KIAA1217: variants seen among roughly 807,000 people sequenced by gnomAD.
KIAA1217 encodes KIAA1217, also known as sickle tail protein homolog.
In KIAA1217, 88 loss-of-function variants were observed where a neutral mutation model predicts 163.9. The observed-to-expected ratio is 0.54, with a 90% confidence interval of 0.45 to 0.64. The LOEUF is 0.64. Among genes scored for constraint, KIAA1217 ranks in the 30% least tolerant of loss-of-function variants. The pLI is 0.00. For synonymous variants in KIAA1217, 903 were observed against 923.1 expected, an observed-to-expected ratio of 0.98 and a Z score of 0.39; for missense variants, 2,372 against 2,475.0, an observed-to-expected ratio of 0.96 and a Z score of 0.88.
At chr10:23,780,271 G>T (rs1835197131) in intron 1 of KIAA1217, among the ~76,000 whole-genome samples, 1 of 152,072 alleles carries the variant, frequency 6.6e-6, no homozygotes, top group Non-Finnish European at 1.5e-5. Context: ...TTTTTTGTGT[G>T]TGTTAAGGCA....
intron 2 of KIAA1217, among the ~76,000 whole-genome samples, chr10:24,368,249 C>CA (rs1332773667): frequency 1.6e-4 from 25 of 152,078 alleles, no homozygotes; most frequent in African/African-American, 6.0e-4. Flanking sequence ...AGTTAAAATG[C>CA]AGAAAGGGAA....
chr10:24,126,899 A>G (rs2063490583), intron 2 of KIAA1217, among the ~76,000 whole-genome samples: 1 of 152,074 alleles, frequency 6.6e-6, no homozygotes, highest in Non-Finnish European at 1.5e-5. Flanking sequence ...GCAGATCAAT[A>G]TCAGTTTGTA....
intron 9 of KIAA1217, 150 bp from the exon 10 acceptor site, chr10:24,513,109 A>G: frequency 1.4e-6 from 1 of 722,838 alleles, no homozygotes; most frequent in Non-Finnish European, 2.3e-6. Context: ...CATTATGTAC[A>G]GTCTTTGCTC....
chr10:24,195,884 T>C (rs1465440795), intron 2 of KIAA1217, among the ~76,000 whole-genome samples: 1 of 152,188 alleles, frequency 6.6e-6, no homozygotes, highest in African/African-American at 2.4e-5. Context: ...ATCCCAGCAC[T>C]GTGGGAGGCT....
At chr10:24,314,661 G>T (rs2043125504) in intron 2 of KIAA1217, among the ~76,000 whole-genome samples, 2 of 152,132 alleles carry the variant, frequency 1.3e-5, no homozygotes, top group African/African-American at 2.4e-5. Context: ...ATACATATTG[G>T]CCGGGTGCAG....
chr10:23,696,379 G>T (rs1440479724), intron 1 of KIAA1217, among the ~76,000 whole-genome samples: 1 of 152,210 alleles, frequency 6.6e-6, no homozygotes, highest in Non-Finnish European at 1.5e-5. Context: ...TCCGAGAGTA[G>T]GAGTTTCTGT....
chr10:23,851,480 C>T (rs1218370419), intron 1 of KIAA1217, among the ~76,000 whole-genome samples: 9 of 152,154 alleles, frequency 5.9e-5, no homozygotes, highest in Non-Finnish European at 1.0e-4. Context: ...CATATGTGTG[C>T]ATGTGTCTTT....
intron 2 of KIAA1217, among the ~76,000 whole-genome samples, chr10:24,276,625 T>C (rs796182596): frequency 1.5e-4 from 23 of 148,594 alleles, no homozygotes; most frequent in African/African-American, 4.9e-4. Flanking sequence ...TTTTTTTTTT[T>C]CTGAGATGGA....
intron 1 of KIAA1217, among the ~76,000 whole-genome samples, chr10:23,776,679 C>T (rs1421174474): frequency 3.2e-4 from 38 of 117,882 alleles, no homozygotes; most frequent in Admixed American, 2.8e-3. Context: ...ACTGTGGGTA[C>T]TTTTTTTTTT....
At chr10:24,198,322 A>G (rs977519352) in intron 2 of KIAA1217, among the ~76,000 whole-genome samples, 5 of 152,166 alleles carry the variant, frequency 3.3e-5, no homozygotes, top group Admixed American at 2.0e-4. Flanking sequence ...AATGTTTGGG[A>G]TACTGGGTGG....
chr10:24,231,541 G>A (rs1210305478), intron 2 of KIAA1217, among the ~76,000 whole-genome samples: 1 of 152,052 alleles, frequency 6.6e-6, no homozygotes, highest in African/African-American at 2.4e-5. Context: ...TGATAGGATC[G>A]AATCAGTAGA....
intron 2 of KIAA1217, among the ~76,000 whole-genome samples, chr10:24,196,007 C>A (rs1317152342): frequency 6.6e-6 from 1 of 151,696 alleles, no homozygotes; most frequent in African/African-American, 2.4e-5. Flanking sequence ...TGGTGGTGTG[C>A]ACCTGTAGTT....
At chr10:24,135,060 G>A (rs1252749395) in intron 2 of KIAA1217, among the ~76,000 whole-genome samples, 1 of 152,150 alleles carries the variant, frequency 6.6e-6, no homozygotes, top group Non-Finnish European at 1.5e-5. Flanking sequence ...TTTTCTGACA[G>A]GCAGCTCCTA....
chr10:23,907,693 A>G (rs1842227675), intron 1 of KIAA1217, among the ~76,000 whole-genome samples: 1 of 152,020 alleles, frequency 6.6e-6, no homozygotes, highest in Non-Finnish European at 1.5e-5. Context: ...GGTGAGGGTG[A>G]TCTTTGCTCA....
intron 1 of KIAA1217, among the ~76,000 whole-genome samples, chr10:23,995,619 G>A (rs1304623434): frequency 6.6e-6 from 1 of 152,072 alleles, no homozygotes; most frequent in Non-Finnish European, 1.5e-5. Context: ...GCAAATGTAA[G>A]ATACCCGGGA....
At chr10:23,722,196 G>A (rs1010475959) in intron 1 of KIAA1217, among the ~76,000 whole-genome samples, 7 of 152,184 alleles carry the variant, frequency 4.6e-5, no homozygotes, top group Non-Finnish European at 8.8e-5. Flanking sequence ...AAGGGGAAAT[G>A]TGGAGCTATT....
intron 2 of KIAA1217, chr10:24,255,478 C>T (rs1412804337): frequency 8.8e-6 from 4 of 455,196 alleles, no homozygotes; most frequent in Non-Finnish European, 1.8e-5. Context: ...GGCTGATGTT[C>T]CATGCCACAT....
At chr10:23,995,301 T>G (rs1286814393) in intron 1 of KIAA1217, among the ~76,000 whole-genome samples, 1 of 152,058 alleles carries the variant, frequency 6.6e-6, no homozygotes, top group Non-Finnish European at 1.5e-5. Flanking sequence ...CTAATCAAAT[T>G]GGTAAATGGG....
intron 5 of KIAA1217, chr10:24,449,531 T>C (rs1024569420): frequency 9.1e-6 from 9 of 985,154 alleles, no homozygotes; most frequent in African/African-American, 1.7e-5. Flanking sequence ...TTAACTTTCA[T>C]AGAGTAGAAA....
Sources: allele counts gnomAD v4.1 joint callset (sites outside exome capture counted in the v4.1 genomes callset), GRCh38; gene constraint gnomAD v4.1.1; transcripts MANE v1.5; gene names NCBI Gene and HGNC (gene_info 2026-07-23, HGNC 2026-07-21).